The following CHCHD3 variants were observed in gnomAD, a reference collection of about 807,000 sequenced individuals.
The protein encoded by CHCHD3 is MICOS complex subunit MIC19.
A neutral mutation model predicts 38.2 loss-of-function variants in CHCHD3; 20 were observed. The ratio of observed to expected loss-of-function variants is 0.52; its 90% confidence interval spans 0.37 to 0.76. CHCHD3 has a LOEUF of 0.76. Among genes scored for constraint, CHCHD3 ranks in the 30% least tolerant of loss-of-function variants. The pLI is 0.00. For synonymous variants in CHCHD3, 82 were observed against 100.0 expected, an observed-to-expected ratio of 0.82 and a Z score of 1.07; for missense variants, 245 against 279.2, an observed-to-expected ratio of 0.88 and a Z score of 0.87.
At chr7:133,009,278 C>T (rs1429466915) in intron 3 of CHCHD3, among the ~76,000 whole-genome samples, 2 of 150,246 alleles carry the variant, frequency 1.3e-5, no homozygotes, top group Non-Finnish European at 3.0e-5. Context: ...GCAGGAGAAT[C>T]GCTTGAACCC....
At chr7:133,014,068 T>C (rs1812956454) in intron 3 of CHCHD3, among the ~76,000 whole-genome samples, 1 of 152,180 alleles carries the variant, frequency 6.6e-6, no homozygotes, top group Non-Finnish European at 1.5e-5. Context: ...CTTTTTTTGG[T>C]ATCATTTGGT....
intron 5 of CHCHD3, among the ~76,000 whole-genome samples, chr7:132,871,432 C>T (rs1397585193): frequency 2.0e-5 from 3 of 152,124 alleles, no homozygotes; most frequent in Non-Finnish European, 4.4e-5. Flanking sequence ...ATAGACAGTT[C>T]ACAATTTATT....
intron 4 of CHCHD3, among the ~76,000 whole-genome samples, chr7:132,926,779 T>C (rs1422864846): frequency 1.3e-5 from 2 of 152,212 alleles, no homozygotes; most frequent in African/African-American, 4.8e-5. Flanking sequence ...ACAATGTAAA[T>C]GCTATGTAAA....
chr7:132,886,916 ATC>A, intron 4 of CHCHD3: 1 of 1,108,742 alleles, frequency 9.0e-7, no homozygotes, highest in Non-Finnish European at 1.2e-6. Context: ...CTACTCAACT[ATC>A]TGCTTAGTTT....
At chr7:132,870,603 G>T (rs959992035) in intron 5 of CHCHD3, among the ~76,000 whole-genome samples, 3 of 151,644 alleles carry the variant, frequency 2.0e-5, no homozygotes, top group Non-Finnish European at 3.0e-5. Flanking sequence ...CCACTTTACA[G>T]ATGAGGGATC....
At chr7:133,005,610 T>G (rs6959725) in intron 3 of CHCHD3, among the ~76,000 whole-genome samples, 67,640 of 152,074 alleles carry the variant, frequency 0.44, 15,318 homozygotes, top group East Asian at 0.55. Context: ...AATCTACAAA[T>G]TTATTTGATT....
In CHCHD3 at chr7:132,998,857, G is replaced by C. The variant is rs143190371; in HGVS notation, c.252-23571C>G. On this transcript the variant is annotated intron_variant, in intron 3 of 7. Coordinates refer to ENST00000262570, the MANE Select transcript of CHCHD3 (RefSeq NM_017812.4). ...GTAATCTGCACAGATTATTGGATTT[G>C]TCTCATTTGCAAACAATCCTGTCTT... Among the ~76,000 whole-genome samples, 478 of 152,220 alleles carry C rather than the reference G, an allele frequency of 3.1e-3. 4 individuals are homozygous for C. Among genetic ancestry groups the C allele is most frequent in the Non-Finnish European group, 4.9e-3 (334 of 68,016 alleles).
At chr7:132,817,520 C>T (rs577783286) in intron 6 of CHCHD3, among the ~76,000 whole-genome samples, 3 of 152,292 alleles carry the variant, frequency 2.0e-5, no homozygotes, top group African/African-American at 7.2e-5. Context: ...CCACCTGCCA[C>T]TACTTGGAGC....
intron 4 of CHCHD3, among the ~76,000 whole-genome samples, chr7:132,969,337 T>C (rs1468134548): frequency 1.3e-5 from 2 of 152,292 alleles, no homozygotes; most frequent in South Asian, 4.1e-4. Flanking sequence ...CTGCCTAGGA[T>C]ACAGTAGGTG....
At chr7:132,837,775 A>C (rs1290062656) in intron 6 of CHCHD3, among the ~76,000 whole-genome samples, 2 of 152,338 alleles carry the variant, frequency 1.3e-5, no homozygotes, top group East Asian at 3.9e-4. Context: ...AAAATTCTGA[A>C]TGATGTCTTC....
At chr7:132,941,902 C>T (rs557582734) in intron 4 of CHCHD3, among the ~76,000 whole-genome samples, 1 of 152,318 alleles carries the variant, frequency 6.6e-6, no homozygotes, top group African/African-American at 2.4e-5. Flanking sequence ...ATAATCATCA[C>T]AGTTTCAAAG....
intron 6 of CHCHD3, among the ~76,000 whole-genome samples, chr7:132,836,819 C>T (rs1156270766): frequency 6.6e-6 from 1 of 152,118 alleles, no homozygotes; most frequent in Non-Finnish European, 1.5e-5. Context: ...TCCAACTAAA[C>T]CTCACATCCA....
At chr7:132,860,279 A>ATT (rs879430697) in intron 5 of CHCHD3, among the ~76,000 whole-genome samples, 37 of 144,230 alleles carry the variant, frequency 2.6e-4, no homozygotes, top group African/African-American at 6.6e-4. Context: ...AAATAAACAG[A>ATT]TTTTTTTTTA....
At chr7:132,957,748 G>A (rs1035459929) in intron 4 of CHCHD3, among the ~76,000 whole-genome samples, 2 of 152,134 alleles carry the variant, frequency 1.3e-5, no homozygotes, top group African/African-American at 4.8e-5. Flanking sequence ...CCAAAGTGCT[G>A]GGATTACAGA....
At chr7:133,043,312 G>T (rs537764469) in intron 2 of CHCHD3, among the ~76,000 whole-genome samples, 1 of 152,112 alleles carries the variant, frequency 6.6e-6, no homozygotes, top group African/African-American at 2.4e-5. Context: ...ATTTTTTAAT[G>T]TGGACAAAAC....
At chr7:132,996,685 C>T in intron 3 of CHCHD3, among the ~76,000 whole-genome samples, 1 of 152,204 alleles carries the variant, frequency 6.6e-6, no homozygotes, top group East Asian at 1.9e-4. Flanking sequence ...CTTCCAAGCC[C>T]TGTCGCTAAT....
intron 5 of CHCHD3, among the ~76,000 whole-genome samples, chr7:132,858,112 G>C (rs1426176626): frequency 6.6e-6 from 1 of 152,136 alleles, no homozygotes; most frequent in Admixed American, 6.5e-5. Context: ...GCCCAGGCTA[G>C]AGTGCAGTGG....
chr7:132,870,180 G>A lies in CHCHD3; in HGVS notation c.453+15482C>T, dbSNP rs184568553. On this transcript the variant is annotated intron_variant, in intron 5 of 7. Coordinates refer to ENST00000262570, the MANE Select transcript of CHCHD3 (RefSeq NM_017812.4). ...AGCTTGGGCAACGTGGCAAAACCCC[G>A]TCTCTAAAAAAATACAAAAATTAGC... 4.0e-4 allele frequency among the ~76,000 whole-genome samples: 60 copies of A among 151,656 alleles called. No individual in the cohort carries two copies. The East Asian group carries it at 8.2e-3, about 21-fold the overall frequency.
chr7:132,923,742 A>G (rs1467939959), intron 4 of CHCHD3, among the ~76,000 whole-genome samples: 1 of 152,198 alleles, frequency 6.6e-6, no homozygotes, highest in Non-Finnish European at 1.5e-5. Flanking sequence ...AGACCCCACC[A>G]CCAATCTGAT....
Sources: allele counts gnomAD v4.1 joint callset (sites outside exome capture counted in the v4.1 genomes callset), GRCh38; gene constraint gnomAD v4.1.1; transcripts MANE v1.5; gene names NCBI Gene and HGNC (gene_info 2026-07-23, HGNC 2026-07-21).